Variants in LETM1 observed in about 807,000 individuals in gnomAD.
The protein encoded by LETM1 is mitochondrial proton/calcium exchanger protein.
A neutral mutation model predicts 74.5 loss-of-function variants in LETM1; 50 were observed. The ratio of observed to expected loss-of-function variants is 0.67; its 90% CI spans 0.53 to 0.85. LETM1 has a LOEUF of 0.85. Among genes scored for constraint, LETM1 ranks in the 40% least tolerant of loss-of-function variants. The pLI, the probability that LETM1 is intolerant of heterozygous loss-of-function variation, is 0.00. For missense variants in LETM1, 824 were observed against 967.8 expected, an observed-to-expected ratio of 0.85 and a Z score of 1.97; for synonymous variants, 446 against 407.1, an observed-to-expected ratio of 1.10 and a Z score of -1.15.
At chr4:1,842,018 C>T (rs891629594) in intron 2 of LETM1, among the ~76,000 whole-genome samples, 4 of 152,160 alleles carry the variant, frequency 2.6e-5, no homozygotes, top group East Asian at 1.9e-4. Flanking sequence ...CACACCACGT[C>T]GGACAGGAGC....
rs760767843 is a variant in LETM1 at position 1,822,192 on chromosome 4, C to T, written c.1597G>A (p.Glu533Lys). Residue 533 changes from glutamate (E) to lysine (K), a missense_variant, in exon 10 of 14, where the codon GAG becomes AAG. Transcript: ENST00000302787. ...ETLKDTAPVL[E>K]GLKEEEITKE... ...ACCTGCCTCATTACCTTCAAGCCCT[C>T]CAGCACCGGGGCAGTGTCCTTCAAG... 1.4e-5 allele frequency: 20 copies of T among 1,455,010 alleles called. No individual in the cohort carries two copies. Among genetic ancestry groups the T allele is most frequent in the Non-Finnish European group, 1.7e-5 (19 of 1,089,732 alleles). 90.1% of individuals were successfully genotyped at this position (1,455,010 alleles called of 1,614,324 possible). A position where few individuals can be genotyped will look rare whatever the true frequency, so the allele number is the denominator to read the frequency against.
At chr4:1,840,592 C>CG (rs1390825035) in intron 3 of LETM1, among the ~76,000 whole-genome samples, 1 of 151,566 alleles carries the variant, frequency 6.6e-6, no homozygotes, top group East Asian at 1.9e-4. Flanking sequence ...GTGTGGACCC[C>CG]GGGGGGCGGA....
At position 1,836,557 on chromosome 4, in the gene LETM1, C is replaced by T; in HGVS notation, c.610G>A (p.Ala204Thr). 2 of 1,613,726 alleles carry T rather than the reference C, an allele frequency of 1.2e-6. No individual in the cohort carries two copies. The highest frequency in any genetic ancestry group is 8.5e-7 in the Non-Finnish European group (1 of 1,179,978). ...AACGGCACCAGGCGGAAGAGGTCAG[C>T]GCAGATCCGGAGAAACTGGAAGGGG... ...RERRQFLRICADLFRLVPFLV... is the reference protein window; with the variant it reads ...RERRQFLRICTDLFRLVPFLV... Residue 204 changes from alanine to threonine, a missense_variant, in exon 4 of 14, where the codon GCT (alanine) becomes ACT (threonine). Coordinates refer to ENST00000302787, the MANE Select transcript of LETM1 (RefSeq NM_012318.3). The surrounding 1 kb of genome is among the most constrained non-coding windows in gnomAD (Gnocchi z 5.8).
Position 1,832,768 on chromosome 4 carries a change from C to T in LETM1, c.1056G>A (p.Leu352=). The part of the protein sequence containing the change: ...NFLRFQLTMR[L]RSIKADDKLI... ...CCTTGTCGTCTGCCTTTATGGAGCGCAGCCGCATGGTAAGCTGGAAGCGCA... is the reference window on the plus strand; with the variant it reads ...CCTTGTCGTCTGCCTTTATGGAGCGTAGCCGCATGGTAAGCTGGAAGCGCA... The change falls in exon 6 of 14, where the codon CTG becomes CTA. Residue 352 remains leucine, a synonymous_variant. Transcript: ENST00000302787. 6.2e-7 allele frequency: 1 copy of T among 1,614,212 alleles called. No individual in the cohort carries two copies. The highest frequency in any genetic ancestry group is 8.5e-7 in the Non-Finnish European group (1 of 1,180,048).
chr4:1,855,743 G>A, intron 1 of LETM1, 126 bp downstream of exon 1: 1 of 533,108 alleles, frequency 1.9e-6, no homozygotes, highest in Non-Finnish European at 2.7e-6. Flanking sequence ...GTCCCGCAGG[G>A]GCTCCGGAGG....
Position 1,812,442 on chromosome 4 carries a change from T to C in LETM1, c.*1982A>G, listed in dbSNP as rs1338364080. ...AAACACTGAATTCCTAAATCAGGAA[T>C]TCGTTTCATTTTCACCAGGCGCAGA... On this transcript the variant is annotated 3_prime_UTR_variant, in exon 14 of 14. Transcript: ENST00000302787. 3 of 150,466 alleles carry C rather than the reference T, an allele frequency of 2.0e-5. No individual in the cohort carries two copies. The highest frequency in any genetic ancestry group is 7.4e-5 in the African/African-American group (3 of 40,790). 9.3% of individuals were successfully genotyped at this position (150,466 alleles called of 1,614,324 possible). A position where few individuals can be genotyped will look rare whatever the true frequency, so the allele number is the denominator to read the frequency against.
At chr4:1,824,172 T>A (rs1204113893) in intron 7 of LETM1, among the ~76,000 whole-genome samples, 1 of 152,130 alleles carries the variant, frequency 6.6e-6, no homozygotes, top group Non-Finnish European at 1.5e-5. Context: ...AATACAAAAA[T>A]TAGCCAGGTA....
At chr4:1,818,470 A>C (rs1711653595) in intron 11 of LETM1, among the ~76,000 whole-genome samples, 1 of 151,616 alleles carries the variant, frequency 6.6e-6, no homozygotes. Flanking sequence ...AAAATTAGCC[A>C]GGCATGGTGG....
chr4:1,835,061 C>G, intron 4 of LETM1, 79 bp from the exon 5 acceptor site: 1 of 1,387,664 alleles, frequency 7.2e-7, no homozygotes. Flanking sequence ...CGCCTGTGCC[C>G]GACCCCCACT....
chr4:1,834,688 G>T lies in LETM1; in HGVS notation c.876+157C>A. The T allele has an allele frequency of 6.8e-7, 1 of 1,467,590 alleles. No homozygotes were observed. The highest frequency in any genetic ancestry group is 9.0e-7 in the Non-Finnish European group (1 of 1,114,138). The allele number at this position is 1,467,590 out of a possible 1,614,324, so 90.9% of individuals were successfully genotyped here. A position where few individuals can be genotyped will look rare whatever the true frequency, so the allele number is the denominator to read the frequency against. On this transcript the variant is annotated intron_variant, in intron 5 of 13. Coordinates refer to ENST00000302787, the MANE Select transcript of LETM1 (RefSeq NM_012318.3). This position sits in a 1 kb window ranked among gnomAD's most constrained non-coding sequence, Gnocchi z 5.0. ...TGGGAGCTCGTGGGGGCAGACTCCT[G>T]ACACTCCACTGGCCCCCGACTGAGC...
chr4:1,851,137 C>A (rs572549530), intron 1 of LETM1, among the ~76,000 whole-genome samples: 1 of 152,160 alleles, frequency 6.6e-6, no homozygotes, highest in East Asian at 1.9e-4. Context: ...TGTGATCAAA[C>A]TTCATGCTGG....
Position 1,835,918 on chromosome 4 carries a change from C to CA in LETM1, c.738+510dup, listed in dbSNP as rs1023358043. On this transcript the variant is annotated intron_variant, in intron 4 of 13. Coordinates refer to ENST00000302787, the MANE Select transcript of LETM1 (RefSeq NM_012318.3). Reference sequence around the variant, plus strand: ...CATAGCAGATCTTGTCTATAAAAAACAAAAAAAAATTAGTCAGATGTGGTG... The same window carrying CA: ...CATAGCAGATCTTGTCTATAAAAAACAAAAAAAAAATTAGTCAGATGTGGTG... 6.0e-5 allele frequency among the ~76,000 whole-genome samples: 9 copies of CA among 151,192 alleles called. No homozygotes were observed. In the South Asian group the frequency reaches 8.3e-4, roughly 14 times the overall value.
intron 9 of LETM1, 86 bp downstream of exon 9, chr4:1,822,902 G>A: frequency 8.4e-7 from 1 of 1,194,976 alleles, no homozygotes; most frequent in African/African-American, 1.6e-5. Context: ...AAGCATGCGG[G>A]AGGCCAAGAC....
chr4:1,826,230 T>C (rs189462937), intron 6 of LETM1, among the ~76,000 whole-genome samples: 61 of 152,282 alleles, frequency 4.0e-4, no homozygotes, highest in South Asian at 3.7e-3. Flanking sequence ...CAGCTACTGC[T>C]AGGCAGATGC....
At chr4:1,838,675 C>T (rs1004433158) in intron 3 of LETM1, among the ~76,000 whole-genome samples, 4 of 152,030 alleles carry the variant, frequency 2.6e-5, no homozygotes, top group African/African-American at 9.7e-5. Context: ...GAGAACCTGT[C>T]TCAAAAATAA....
In LETM1 at chr4:1,825,661, T is replaced by C; in HGVS notation, c.1103A>G (p.Asp368Gly). The change falls in exon 7 of 14, where the codon GAC (aspartate) becomes GGC (glycine). Residue 368 changes from aspartate (D) to glycine (G), a missense_variant. Transcript: ENST00000302787. The part of the protein sequence containing the change: ...DDKLIAEEGV[D>G]SLNVKELQAA... ...CTGCAGCTCCTTGACATTCAGGCTG[T>C]CCACCCCTTCCTCAGCAATCAGCTA... The C allele has an allele frequency of 1.2e-6, 2 of 1,613,784 alleles. No individual in the cohort carries two copies. Among genetic ancestry groups the C allele is most frequent in the Non-Finnish European group, 8.5e-7 (1 of 1,179,752 alleles).
intron 6 of LETM1, 127 bp from the exon 7 acceptor site, chr4:1,825,810 A>C: frequency 2.7e-6 from 3 of 1,107,830 alleles, no homozygotes; most frequent in Non-Finnish European, 3.9e-6. Flanking sequence ...CGGCCACCAA[A>C]GCCCAGTTCT....
intron 9 of LETM1, 59 bp from the exon 10 acceptor site, chr4:1,822,371 C>A: frequency 7.2e-7 from 1 of 1,380,972 alleles, no homozygotes; most frequent in Non-Finnish European, 9.5e-7. Context: ...AGTCTTCTTG[C>A]TCCCCGAAGC....
chr4:1,817,030 G>A (rs908432396), intron 11 of LETM1, 116 bp from the exon 12 acceptor site: 5 of 796,336 alleles, frequency 6.3e-6, no homozygotes, highest in Admixed American at 2.4e-5. Context: ...CGGATCACCT[G>A]AGGTTAGGAG....
Sources: gnomAD v4.1 joint callset for allele counts (sites outside exome capture counted in the v4.1 genomes callset) on GRCh38, gnomAD v4.1.1 for gene constraint, Gnocchi (gnomAD v3.1) non-coding constraint, MANE v1.5 for transcripts, NCBI Gene and HGNC (gene_info 2026-07-23, HGNC 2026-07-21) for gene names.